NCKAP5: variants seen among roughly 807,000 people sequenced by gnomAD.
The protein encoded by NCKAP5 is nck-associated protein 5.
NCKAP5 carries 92 observed loss-of-function variants against 167.0 expected under a neutral mutation model. The ratio of observed to expected loss-of-function variants is 0.55; its 90% CI spans 0.47 to 0.66. The LOEUF is 0.66. NCKAP5 is among the 30% of genes least tolerant of loss of function. NCKAP5 has a pLI of 0.00. For missense variants in NCKAP5, 2,378 were observed against 2,315.0 expected (o/e 1.03, Z -0.56); for synonymous variants, 891 against 877.4 (o/e 1.02, Z -0.27).
chr2:133,269,682 G>C lies in NCKAP5; in HGVS notation c.143+33355C>G, dbSNP rs76433838. 3.7e-3 allele frequency among the ~76,000 whole-genome samples: 565 copies of C among 152,236 alleles called. 14 individuals are homozygous for C. In the South Asian group the frequency reaches 0.058, roughly 16 times the overall value. On this transcript the variant is annotated intron_variant, in intron 4 of 19. Transcript: ENST00000409261. ...GAATTTTACTCCAAATGACAGCGGA[G>C]GACACAAGACACAGAGGGAGTGACA...
intron 2 of NCKAP5, among the ~76,000 whole-genome samples, chr2:133,554,944 C>CTTGG (rs1210929565): frequency 6.6e-6 from 1 of 152,048 alleles, no homozygotes; most frequent in Non-Finnish European, 1.5e-5. Context: ...ACCAAAGAAT[C>CTTGG]TTGCAGAAAG....
intron 8 of NCKAP5, among the ~76,000 whole-genome samples, chr2:132,890,818 C>T (rs569586804): frequency 4.6e-4 from 70 of 152,234 alleles, no homozygotes; most frequent in African/African-American, 1.5e-3. Flanking sequence ...GTATCCAGAC[C>T]CAGACAATGT....
intron 3 of NCKAP5, among the ~76,000 whole-genome samples, chr2:133,502,044 C>T (rs1027420588): frequency 1.3e-5 from 2 of 152,176 alleles, no homozygotes; most frequent in African/African-American, 4.8e-5. Context: ...AGTGTCCGTT[C>T]GCCTCGCTTG....
chr2:133,218,052 T>A (rs1307539042), intron 4 of NCKAP5, among the ~76,000 whole-genome samples: 1 of 152,164 alleles, frequency 6.6e-6, no homozygotes, highest in Non-Finnish European at 1.5e-5. Flanking sequence ...CTCAAATATT[T>A]GATCCTTTTG....
intron 5 of NCKAP5, among the ~76,000 whole-genome samples, chr2:133,175,689 T>C (rs1427391441): frequency 2.6e-5 from 4 of 152,226 alleles, no homozygotes; most frequent in Non-Finnish European, 1.5e-5. Flanking sequence ...TGAAGAATTA[T>C]AATCCTATCT....
intron 3 of NCKAP5, among the ~76,000 whole-genome samples, chr2:133,392,836 C>T (rs1574867881): frequency 6.6e-6 from 1 of 152,176 alleles, no homozygotes; most frequent in African/African-American, 2.4e-5. Context: ...ATCTAGCTAA[C>T]TGTAATATTC....
At chr2:132,891,967 C>CT (rs1466626749) in intron 8 of NCKAP5, among the ~76,000 whole-genome samples, 2 of 152,214 alleles carry the variant, frequency 1.3e-5, no homozygotes, top group Non-Finnish European at 2.9e-5. Context: ...AACATGGAGC[C>CT]TGGCCCTCTG....
rs143675150 is a variant in NCKAP5, at chr2:133,294,535, C to CA, written c.143+8501dup. 2.8e-3 allele frequency among the ~76,000 whole-genome samples: 425 copies of CA among 152,284 alleles called. 12 individuals carry two copies. In the East Asian group the frequency reaches 0.066, roughly 24 times the overall value. On this transcript the variant is annotated intron_variant, in intron 4 of 19. Coordinates refer to ENST00000409261, the MANE Select transcript of NCKAP5 (RefSeq NM_207363.3). ...TTCTTCCTCAAGGATAGAATAATGG[C>CA]ATGTGGCCTCGCAGCAAGCAATTTC...
chr2:133,613,815 G>A, the NCKAP5 span, among the ~76,000 whole-genome samples: 3 of 152,186 alleles, frequency 2.0e-5, no homozygotes, highest in South Asian at 6.2e-4. Context: ...GACAGCGTGT[G>A]ATTATACGTG....
intron 3 of NCKAP5, among the ~76,000 whole-genome samples, chr2:133,385,963 GTCAA>G (rs201263554): frequency 0.037 from 5,685 of 152,174 alleles, 122 homozygotes; most frequent in Middle Eastern, 0.051. Context: ...CTTGTTAGCG[GTCAA>G]TCAATTTTGT....
At chr2:132,911,152 C>A (rs1694419605) in intron 8 of NCKAP5, 3 of 214,440 alleles carry the variant, frequency 1.4e-5, no homozygotes, top group African/African-American at 6.9e-5. Flanking sequence ...AGGGGCCTGA[C>A]CCACTCAGCC....
rs369428962 is a variant in NCKAP5 at position 132,783,127 on chromosome 2, T to C, written c.3684A>G (p.Ala1228=). 6.2e-7 allele frequency: 1 copy of C among 1,613,668 alleles called. No individual in the cohort carries two copies. The highest frequency in any genetic ancestry group is 1.1e-5 in the South Asian group (1 of 91,020). The stretch of plus-strand genomic sequence containing the variant: ...TGCTACTTTCCAATGGCTCTTGTAG[T>C]GCTGTTTCCAGGGGAAGCCCATCAG... ...SLADGLPLET[A]LQEPLESSIP... Residue 1228 remains alanine, a synonymous_variant, in exon 14 of 20, where the codon GCA becomes GCG. Transcript: ENST00000409261.
intron 8 of NCKAP5, among the ~76,000 whole-genome samples, chr2:132,933,774 T>G (rs1360564865): frequency 1.3e-5 from 2 of 152,156 alleles, no homozygotes; most frequent in African/African-American, 4.8e-5. Context: ...CCAACCTCAT[T>G]ATGATGATTG....
chr2:133,512,434 C>T (rs1285313674), intron 3 of NCKAP5, among the ~76,000 whole-genome samples: 7 of 152,210 alleles, frequency 4.6e-5, no homozygotes, highest in Admixed American at 4.6e-4. Context: ...ATAGCCATTA[C>T]AATCCAGCCT....
intron 3 of NCKAP5, among the ~76,000 whole-genome samples, chr2:133,318,567 G>C (rs1272129396): frequency 6.6e-6 from 1 of 152,140 alleles, no homozygotes; most frequent in Non-Finnish European, 1.5e-5. Flanking sequence ...TGGAGAATCC[G>C]ATTCAGGAGA....
intron 19 of NCKAP5, among the ~76,000 whole-genome samples, chr2:132,710,697 T>C (rs538267275): frequency 6.6e-6 from 1 of 152,316 alleles, no homozygotes; most frequent in South Asian, 2.1e-4. Flanking sequence ...TTAAGCTCAT[T>C]TTGCTCTTTC....
At chr2:133,441,789 A>G (rs1690877875) in intron 3 of NCKAP5, among the ~76,000 whole-genome samples, 1 of 152,136 alleles carries the variant, frequency 6.6e-6, no homozygotes, top group Non-Finnish European at 1.5e-5. Context: ...AGGTCTTCAT[A>G]GGATATCTCA....
At chr2:133,241,965 A>T (rs988636128) in intron 4 of NCKAP5, among the ~76,000 whole-genome samples, 2 of 152,038 alleles carry the variant, frequency 1.3e-5, no homozygotes, top group Non-Finnish European at 2.9e-5. Flanking sequence ...TAAAAATACA[A>T]AAATTAGCTG....
chr2:133,118,206 T>A (rs947247508), intron 6 of NCKAP5: 3 of 152,132 alleles, frequency 2.0e-5, no homozygotes, highest in Admixed American at 2.0e-4. Flanking sequence ...TACCCTACGA[T>A]CCTTGGCAAC....
Sources: gnomAD v4.1 joint callset for allele counts (sites outside exome capture counted in the v4.1 genomes callset) on GRCh38, gnomAD v4.1.1 for gene constraint, MANE v1.5 for transcripts, NCBI Gene and HGNC (gene_info 2026-07-23, HGNC 2026-07-21) for gene names.